GMDS: variants seen among roughly 807,000 people sequenced by gnomAD.
GMDS encodes the protein GDP-mannose 4,6-dehydratase, also known as GDP-mannose 4,6 dehydratase.
A neutral mutation model predicts 49.9 loss-of-function variants in GMDS; 20 were observed. That is an observed-to-expected ratio of 0.40 (90% CI 0.28 to 0.58). The LOEUF (loss-of-function observed/expected upper bound fraction) is 0.58, where lower values mean the gene tolerates loss of function less well. GMDS is among the 20% of genes least tolerant of loss of function. The pLI is 0.42. For missense variants in GMDS, 362 were observed against 481.4 expected (o/e 0.75, Z 2.32); for synonymous variants, 177 against 178.6 (o/e 0.99, Z 0.07).
At position 1,815,649 on chromosome 6, in the gene GMDS, A is replaced by T. The variant is rs184075477; in HGVS notation, c.772-73063T>A. ...CATCTTTTATTAAAAATAATCTATA[A>T]GGTTGTTCAAGTGAGATTTTAAACA... On this transcript the variant is annotated intron_variant, in intron 7 of 10. Transcript: ENST00000380815. Among the ~76,000 whole-genome samples, 113 of 152,334 alleles carry T rather than the reference A, an allele frequency of 7.4e-4. 1 individual carries two copies. Among genetic ancestry groups the T allele is most frequent in the African/African-American group, 2.7e-3 (111 of 41,576 alleles).
At chr6:1,889,710 T>C (rs1340212591) in intron 7 of GMDS, among the ~76,000 whole-genome samples, 1 of 152,196 alleles carries the variant, frequency 6.6e-6, no homozygotes, top group African/African-American at 2.4e-5. Flanking sequence ...ATTACCACGA[T>C]CTAAGTTTAG....
intron 4 of GMDS, among the ~76,000 whole-genome samples, chr6:2,030,495 C>G (rs1768886586): frequency 6.6e-6 from 1 of 152,176 alleles, no homozygotes; most frequent in African/African-American, 2.4e-5. Flanking sequence ...ACATAAAATG[C>G]ATATAAAACC....
At position 1,833,126 on chromosome 6, in the gene GMDS, CTTTT is replaced by C. The variant is rs34633662; in HGVS notation, c.772-90544_772-90541del. Among the ~76,000 whole-genome samples the C allele has an allele frequency of 1.7e-4, 21 of 123,356 alleles. No individual in the cohort carries two copies. Among genetic ancestry groups the C allele is most frequent in the African/African-American group, 4.8e-4 (16 of 33,570 alleles). The allele number at this position is 123,356 out of a possible 152,430, so 80.9% of individuals were successfully genotyped here. A position where few individuals can be genotyped will look rare whatever the true frequency, so the allele number is the denominator to read the frequency against. On this transcript the variant is annotated intron_variant, in intron 7 of 10. Transcript: ENST00000380815. This position sits in a 1 kb window ranked among gnomAD's most constrained non-coding sequence, Gnocchi z 4.4. ...ACCCGGCAGTGGAGCGTATGAAAGC[CTTTT>C]TTTTTTTTTTTTTTTTTTTAAACTA...
chr6:2,242,052 C>A (rs141156799), intron 1 of GMDS, among the ~76,000 whole-genome samples: 29 of 152,068 alleles, frequency 1.9e-4, no homozygotes, highest in African/African-American at 5.8e-4. Context: ...AATCTCAAGA[C>A]AAAAGATATG....
rs1213558832 is a variant in GMDS at position 2,245,390 on chromosome 6, G to C, written c.33C>G (p.Ala11=). 6.5e-7 allele frequency: 1 copy of C among 1,541,972 alleles called. No homozygotes were observed. Among genetic ancestry groups the C allele is most frequent in the African/African-American group, 1.4e-5 (1 of 72,000 alleles). The change falls in exon 1 of 11, where the codon GCC becomes GCG. Residue 11 remains alanine, a synonymous_variant. Transcript: ENST00000380815. The stretch of plus-strand genomic sequence containing the variant: ...CCATCTCGCCGTCCCCGGAGCCCCG[G>C]GCGCTGGGGCAGCGTGCCGGTGCGT... MAHAPARCPS[A]RGSGDGEMGK... is the part of the protein sequence containing the mutation.
intron 4 of GMDS, among the ~76,000 whole-genome samples, chr6:2,071,079 C>T (rs1009774122): frequency 3.9e-5 from 6 of 152,120 alleles, no homozygotes; most frequent in African/African-American, 1.4e-4. Flanking sequence ...TTTCCAATGG[C>T]TTGCTCTGTC....
intron 7 of GMDS, among the ~76,000 whole-genome samples, chr6:1,759,903 C>T (rs1768094354): frequency 6.6e-6 from 1 of 152,106 alleles, no homozygotes; most frequent in Non-Finnish European, 1.5e-5. Flanking sequence ...GCCCCAGCCC[C>T]CCACCCCCCA....
intron 4 of GMDS, among the ~76,000 whole-genome samples, chr6:2,039,851 G>T (rs1393316712): frequency 6.6e-6 from 1 of 152,150 alleles, no homozygotes; most frequent in African/African-American, 2.4e-5. Context: ...TGATGAAAAA[G>T]TATAATAAGC....
At chr6:2,080,392 T>C (rs1424387924) in intron 4 of GMDS, among the ~76,000 whole-genome samples, 2 of 152,206 alleles carry the variant, frequency 1.3e-5, no homozygotes, top group Non-Finnish European at 2.9e-5. Context: ...CTTTTTGATG[T>C]TTCCTGCATC....
intron 9 of GMDS, among the ~76,000 whole-genome samples, chr6:1,665,099 ATTTTTTTTAT>A: frequency 6.6e-6 from 1 of 151,936 alleles, no homozygotes; most frequent in Non-Finnish European, 1.5e-5. Flanking sequence ...ATACTTTTTA[ATTTTTTTTAT>A]TATTATACTT....
chr6:1,946,448 A>G (rs753460739), intron 6 of GMDS, among the ~76,000 whole-genome samples: 5 of 152,202 alleles, frequency 3.3e-5, no homozygotes, highest in Non-Finnish European at 7.3e-5. Context: ...ATTAAAAGAG[A>G]TGAGTGACAG....
intron 2 of GMDS, among the ~76,000 whole-genome samples, chr6:2,122,778 A>G (rs987425824): frequency 1.3e-5 from 2 of 152,214 alleles, no homozygotes; most frequent in Non-Finnish European, 1.5e-5. Flanking sequence ...GAAGAGAACT[A>G]ATTTCTGATT....
intron 7 of GMDS, among the ~76,000 whole-genome samples, chr6:1,744,661 A>G (rs1318351956): frequency 1.3e-5 from 2 of 152,200 alleles, no homozygotes; most frequent in Non-Finnish European, 2.9e-5. Context: ...AAGTTCCCCA[A>G]GGTGTCTTTC....
At chr6:2,241,310 C>T (rs778560292) in intron 1 of GMDS, among the ~76,000 whole-genome samples, 7 of 152,148 alleles carry the variant, frequency 4.6e-5, no homozygotes, top group Non-Finnish European at 1.0e-4. Context: ...AAGGAACTTG[C>T]TTTGAGTCTC....
In GMDS at chr6:2,013,925, CATATATATATATAT is replaced by C. The variant is rs10523956; in HGVS notation, c.346-52973_346-52960del. On this transcript the variant is annotated intron_variant, in intron 4 of 10. Coordinates refer to ENST00000380815, the MANE Select transcript of GMDS (RefSeq NM_001500.4). ...AGAGAACACCAGAGAGGATAAAAAC[CATATATATATATAT>C]ATATATATATATATATATATGCATA... Among the ~76,000 whole-genome samples the C allele has an allele frequency of 7.4e-3, 926 of 125,172 alleles. 51 individuals carry two copies. Among genetic ancestry groups the C allele is most frequent in the African/African-American group, 0.029 (829 of 28,414 alleles). 82.1% of individuals were successfully genotyped at this position (125,172 alleles called of 152,430 possible).
chr6:1,961,326 G>C (rs1763930986), intron 4 of GMDS, among the ~76,000 whole-genome samples: 1 of 152,088 alleles, frequency 6.6e-6, no homozygotes, highest in Non-Finnish European at 1.5e-5. Flanking sequence ...GGGGGGTAGG[G>C]ACCTAGGAAA....
intron 1 of GMDS, among the ~76,000 whole-genome samples, chr6:2,162,067 AG>A (rs1777430087): frequency 6.6e-6 from 1 of 152,232 alleles, no homozygotes; most frequent in Non-Finnish European, 1.5e-5. Context: ...TTAATGACAC[AG>A]GAAATTGTCT....
At position 2,191,490 on chromosome 6, in the gene GMDS, C is replaced by T. The variant is rs535214346; in HGVS notation, c.102+53831G>A. Among the ~76,000 whole-genome samples the T allele has an allele frequency of 2.0e-5, 3 of 152,338 alleles. No homozygotes were observed. Among genetic ancestry groups the T allele is most frequent in the South Asian group, 4.1e-4 (2 of 4,826 alleles). On this transcript the variant is annotated intron_variant, in intron 1 of 10. Transcript: ENST00000380815. This position sits in a 1 kb window ranked among gnomAD's most constrained non-coding sequence, Gnocchi z 4.6. ...AGCCGCCCAGGTGGGGCTGTGGACC[C>T]GGGCCTCTCTGCACTCTTGGGGGCC...
intron 1 of GMDS, among the ~76,000 whole-genome samples, chr6:2,217,815 T>A (rs1334922974): frequency 1.3e-5 from 2 of 152,166 alleles, no homozygotes; most frequent in African/African-American, 4.8e-5. Flanking sequence ...AAGCCCTGGA[T>A]GAACTGAGTT....
Sources: allele counts gnomAD v4.1 joint callset (sites outside exome capture counted in the v4.1 genomes callset), GRCh38; gene constraint gnomAD v4.1.1; non-coding constraint Gnocchi (gnomAD v3.1); transcripts MANE v1.5; gene names NCBI Gene and HGNC (gene_info 2026-07-23, HGNC 2026-07-21).